The following ATP2A2 variants were observed in gnomAD, a reference collection of about 807,000 sequenced individuals.
The protein encoded by ATP2A2 is sarcoplasmic/endoplasmic reticulum calcium ATPase 2.
In ATP2A2, 14 loss-of-function variants were observed where a neutral mutation model predicts 109.3. That is an observed-to-expected ratio of 0.13 (90% CI 0.08 to 0.20). The LOEUF is 0.20. Among genes scored for constraint, ATP2A2 ranks in the 10% least tolerant of loss-of-function variants. ATP2A2 has a pLI of 1.00. For synonymous variants in ATP2A2, 506 were observed against 490.9 expected, an observed-to-expected ratio of 1.03 and a Z score of -0.41; for missense variants, 657 against 1,321.6, an observed-to-expected ratio of 0.50 and a Z score of 7.80.
chr12:110,319,584 A>T (rs1877032159), intron 5 of ATP2A2, among the ~76,000 whole-genome samples: 1 of 149,454 alleles, frequency 6.7e-6, no homozygotes, highest in Non-Finnish European at 1.5e-5. Context: ...TGGTTTCCTT[A>T]TAATGCCAGT....
chr12:110,296,218 G>T (rs552186598), intron 4 of ATP2A2: 2 of 212,276 alleles, frequency 9.4e-6, no homozygotes, highest in South Asian at 7.5e-5. Context: ...GGGTTCAAGC[G>T]ATTCTTCTGC....
chr12:110,311,646 AT>A (rs1187272086), intron 5 of ATP2A2, among the ~76,000 whole-genome samples: 2 of 144,616 alleles, frequency 1.4e-5, no homozygotes, highest in East Asian at 4.0e-4. Flanking sequence ...AGTGTGAGCT[AT>A]AGCGTCCAGC....
intron 15 of ATP2A2, 26 bp from the exon 16 acceptor site, chr12:110,343,206 T>C: frequency 6.2e-7 from 1 of 1,611,202 alleles, no homozygotes; most frequent in African/African-American, 1.3e-5. Context: ...GGGCTCTCTT[T>C]GTCTTCTTTT....
Position 110,281,676 on chromosome 12 carries a change from G to T in ATP2A2, c.-114G>T. On this transcript the variant is annotated 5_prime_UTR_variant, in exon 1 of 20. Transcript: ENST00000539276. ...GGAAGCGGCCGCAAGAGGAGGAGGG[G>T]AGAGCCCGTCCGCGCCTGGGCTCCC... The T allele has an allele frequency of 1.6e-6, 1 of 611,068 alleles. No homozygotes were observed. Among genetic ancestry groups the T allele is most frequent in the Non-Finnish European group, 2.5e-6 (1 of 395,580 alleles). The allele number at this position is 611,068 out of a possible 1,614,324, so 37.9% of individuals were successfully genotyped here.
intron 4 of ATP2A2, among the ~76,000 whole-genome samples, chr12:110,294,647 T>A (rs1873770986): frequency 6.6e-6 from 1 of 151,888 alleles, no homozygotes; most frequent in Non-Finnish European, 1.5e-5. Context: ...AGACTTCGTC[T>A]CAGAAAAAAA....
chr12:110,300,870 G>A (rs761836779), intron 5 of ATP2A2, among the ~76,000 whole-genome samples: 3 of 152,032 alleles, frequency 2.0e-5, no homozygotes, highest in African/African-American at 7.2e-5. Flanking sequence ...ACGTGACTGG[G>A]TGTGATGATG....
chr12:110,309,198 C>T (rs1875730497), intron 5 of ATP2A2, among the ~76,000 whole-genome samples: 1 of 121,868 alleles, frequency 8.2e-6, no homozygotes, highest in African/African-American at 3.1e-5. Context: ...CACTCTGTCG[C>T]CCAGGCAGGA....
chr12:110,346,106 C>A lies in ATP2A2; in HGVS notation c.2847C>A (p.Val949=). Residue 949 remains valine, a synonymous_variant, in exon 19 of 20, where the codon GTC becomes GTA. Transcript: ENST00000539276. ...CACTCCACTTCCTGATCCTCTATGT[C>A]GAACCCTTGCCAGTAAGTGGTTGGG... ...SMSLHFLILY[V]EPLPLIFQIT... is the part of the protein sequence containing the mutation. 1 of 1,614,174 alleles carries A rather than the reference C, an allele frequency of 6.2e-7. No individual in the cohort carries two copies. Among genetic ancestry groups the A allele is most frequent in the Admixed American group, 1.7e-5 (1 of 60,016 alleles).
intron 4 of ATP2A2, among the ~76,000 whole-genome samples, chr12:110,294,571 C>A (rs538318557): frequency 6.6e-6 from 1 of 152,100 alleles, no homozygotes; most frequent in African/African-American, 2.4e-5. Context: ...AGGGCTTGAA[C>A]CTAGGGGGCG....
chr12:110,342,527 TC>T lies in ATP2A2; in HGVS notation c.2318+81del. ...GGAGCCCAGTTCTCGCAGTTTGCTC[TC>T]CAGATTGCAGCAGCTTTGGTCTTTG... On this transcript the variant is annotated intron_variant, in intron 15 of 19. Coordinates refer to ENST00000539276, the MANE Select transcript of ATP2A2 (RefSeq NM_170665.4). The surrounding 1 kb of genome is among the most constrained non-coding windows in gnomAD (Gnocchi z 4.6). The T allele has an allele frequency of 6.7e-7, 1 of 1,487,664 alleles. No homozygotes were observed. Among genetic ancestry groups the T allele is most frequent in the Non-Finnish European group, 9.2e-7 (1 of 1,081,562 alleles). 92.2% of individuals were successfully genotyped at this position (1,487,664 alleles called of 1,614,324 possible). A position where few individuals can be genotyped will look rare whatever the true frequency, so the allele number is the denominator to read the frequency against.
chr12:110,295,820 C>T (rs994022286), intron 4 of ATP2A2, among the ~76,000 whole-genome samples: 5 of 152,128 alleles, frequency 3.3e-5, no homozygotes, highest in Admixed American at 1.3e-4. Flanking sequence ...ACTGGCAGTG[C>T]TATGATGAGA....
intron 5 of ATP2A2, among the ~76,000 whole-genome samples, chr12:110,322,084 G>A (rs1255659397): frequency 2.6e-5 from 4 of 151,296 alleles, no homozygotes; most frequent in Non-Finnish European, 4.4e-5. Context: ...TCCGCCTCCC[G>A]GGTTCACGCC....
intron 5 of ATP2A2, among the ~76,000 whole-genome samples, chr12:110,316,823 A>G (rs1376969907): frequency 2.0e-5 from 3 of 152,300 alleles, no homozygotes; most frequent in African/African-American, 7.2e-5. Flanking sequence ...GAGGAACTGA[A>G]GAGCATAGTG....
rs10665212 is a variant in ATP2A2, at chr12:110,309,140, A to ATTTTT, written c.463+12434_463+12438dup. ...ATGGAGAGAGAGTTTAAGGAAACTA[A>ATTTTT]TTTTTTTTTTTTTTTTTTTTTTTTT... On this transcript the variant is annotated intron_variant, in intron 5 of 19. Transcript: ENST00000539276. Among the ~76,000 whole-genome samples the ATTTTT allele has an allele frequency of 7.3e-3, 355 of 48,926 alleles. 32 individuals carry two copies. Among genetic ancestry groups the ATTTTT allele is most frequent in the East Asian group, 0.013 (15 of 1,118 alleles). 32.1% of individuals were successfully genotyped at this position (48,926 alleles called of 152,430 possible). A position where few individuals can be genotyped will look rare whatever the true frequency, so the allele number is the denominator to read the frequency against.
chr12:110,298,495 A>G (rs550850157), intron 5 of ATP2A2, among the ~76,000 whole-genome samples: 2 of 152,278 alleles, frequency 1.3e-5, no homozygotes, highest in East Asian at 1.9e-4. Context: ...TGAGGTGGGC[A>G]GATCATGAGG....
chr12:110,347,653 T>C lies in ATP2A2; in HGVS notation c.*1183T>C. On this transcript the variant is annotated 3_prime_UTR_variant, in exon 20 of 20. Coordinates refer to ENST00000539276, the MANE Select transcript of ATP2A2 (RefSeq NM_170665.4). ...TTGTATAGAACTATTTTTATTTGAA[T>C]GTGGCACTAACCACCACCACCGTTA... 2 of 1,181,402 alleles carry C rather than the reference T, an allele frequency of 1.7e-6. No homozygotes were observed. Among genetic ancestry groups the C allele is most frequent in the Non-Finnish European group, 2.1e-6 (2 of 937,616 alleles). 73.2% of individuals were successfully genotyped at this position (1,181,402 alleles called of 1,614,324 possible). A position where few individuals can be genotyped will look rare whatever the true frequency, so the allele number is the denominator to read the frequency against.
At position 110,346,710 on chromosome 12, in the gene ATP2A2, T is replaced by G; in HGVS notation, c.*240T>G. The G allele has an allele frequency of 1.5e-6, 2 of 1,378,580 alleles. No individual in the cohort carries two copies. Among genetic ancestry groups the G allele is most frequent in the Non-Finnish European group, 1.9e-6 (2 of 1,066,970 alleles). The allele number at this position is 1,378,580 out of a possible 1,614,324, so 85.4% of individuals were successfully genotyped here. A position where few individuals can be genotyped will look rare whatever the true frequency, so the allele number is the denominator to read the frequency against. On this transcript the variant is annotated 3_prime_UTR_variant, in exon 20 of 20. Transcript: ENST00000539276. ...AACTAACACTATTTTATGCAAATAT[T>G]TTTTTGTAGATGAAAAAGCATGTAC...
At chr12:110,332,421 G>A (rs1454094444) in intron 8 of ATP2A2, 176 bp from the exon 9 acceptor site, 8 of 653,288 alleles carry the variant, frequency 1.2e-5, no homozygotes, top group Non-Finnish European at 1.7e-5. Context: ...AATTAAGCTA[G>A]TTAGGGTAAG....
At position 110,323,080 on chromosome 12, in the gene ATP2A2, T is replaced by C. The variant is rs1374759967; in HGVS notation, c.544+8T>C. ...ACCAGTCAATTCTCACAGGTAAATA[T>C]GATATATTAAGTCATTGAATTTCTG... On this transcript the variant is annotated splice_region_variant and intron_variant, in intron 6 of 19. Coordinates refer to ENST00000539276, the MANE Select transcript of ATP2A2 (RefSeq NM_170665.4). The C allele has an allele frequency of 2.5e-6, 4 of 1,592,278 alleles. No homozygotes were observed. The highest frequency in any genetic ancestry group is 1.7e-5 in the Admixed American group (1 of 59,986).
Sources: gnomAD v4.1 joint callset for allele counts (sites outside exome capture counted in the v4.1 genomes callset) on GRCh38, gnomAD v4.1.1 for gene constraint, Gnocchi (gnomAD v3.1) non-coding constraint, MANE v1.5 for transcripts, NCBI Gene and HGNC (gene_info 2026-07-23, HGNC 2026-07-21) for gene names.